Variants in NRIP3 observed in about 807,000 individuals in gnomAD.
NRIP3 encodes the protein nuclear receptor-interacting protein 3.
NRIP3 carries 31 observed loss-of-function variants against 29.0 expected under a neutral mutation model. That is an observed-to-expected ratio of 1.07 (90% CI 0.80 to 1.44). NRIP3 has a LOEUF of 1.44. NRIP3 is among the 40% of genes most tolerant of loss of function. NRIP3 has a pLI of 0.00. For synonymous variants in NRIP3, 131 were observed against 118.3 expected (o/e 1.11, Z -0.70); for missense variants, 314 against 297.9 (o/e 1.05, Z -0.40).
intron 6 of NRIP3, 61 bp downstream of exon 6, chr11:8,983,814 C>T (rs1246009628): frequency 1.4e-5 from 19 of 1,389,260 alleles, no homozygotes; most frequent in Non-Finnish European, 1.8e-5. Context: ...GAACCACCAC[C>T]ACCCTGCTCG....
At chr11:9,004,052 G>A (rs1854868704), upstream of NRIP3, 2 of 1,059,862 alleles carry the variant, frequency 1.9e-6, no homozygotes, top group Non-Finnish European at 2.5e-6. Context: ...GACGTCGCGG[G>A]GAGCAGCCAG....
chr11:8,987,557 T>G lies in NRIP3; in HGVS notation c.413A>C (p.Asp138Ala), dbSNP rs1447237284. ...LYNLISLACV[D>A]RLGLKEHVKS... is the part of the protein sequence containing the mutation. ...ACAAGTGCCTACTTACCCCAATCTG[T>G]CCACACAGGCCAAAGAGATGAGATT... The change falls in exon 3 of 7, where the codon GAC becomes GCC. Residue 138 changes from aspartate to alanine, a missense_variant. Transcript: ENST00000309166. 1.2e-6 allele frequency: 2 copies of G among 1,613,522 alleles called. No individual in the cohort carries two copies. Among genetic ancestry groups the G allele is most frequent in the Non-Finnish European group, 1.7e-6 (2 of 1,179,444 alleles).
intron 1 of NRIP3, among the ~76,000 whole-genome samples, chr11:8,989,478 G>A (rs571193501): frequency 1.3e-5 from 2 of 152,302 alleles, no homozygotes; most frequent in South Asian, 4.1e-4. Flanking sequence ...GGCTGGCACT[G>A]GAGGTCTTCA....
In NRIP3 at chr11:8,983,634, T is replaced by G. The variant is rs1009297577; in HGVS notation, c.711-74A>C. 6 of 1,472,346 alleles carry G rather than the reference T, an allele frequency of 4.1e-6. No individual in the cohort carries two copies. The African/African-American group carries it at 7.0e-5, about 17-fold the overall frequency. 91.2% of individuals were successfully genotyped at this position (1,472,346 alleles called of 1,614,324 possible). A position where few individuals can be genotyped will look rare whatever the true frequency, so the allele number is the denominator to read the frequency against. On this transcript the variant is annotated intron_variant, in intron 6 of 6. Coordinates refer to ENST00000309166, the MANE Select transcript of NRIP3 (RefSeq NM_020645.3). ...AGTTAAGCTGAAGGCAAGTAAAATT[T>G]TGCTTTCAAAGCTAGTCATTTCCCT...
At chr11:8,989,190 T>A (rs11042149) in intron 1 of NRIP3, among the ~76,000 whole-genome samples, 1 of 151,992 alleles carries the variant, frequency 6.6e-6, no homozygotes, top group Non-Finnish European at 1.5e-5. Context: ...GCAGATATAA[T>A]CATGCTCCAC....
intron 1 of NRIP3, among the ~76,000 whole-genome samples, chr11:9,002,616 A>G (rs902055066): frequency 5.1e-4 from 77 of 150,338 alleles, no homozygotes; most frequent in African/African-American, 1.8e-3. Context: ...AAAAAAAAAA[A>G]AAGGAAATGG....
chr11:8,988,479 C>T (rs886371951), intron 1 of NRIP3, among the ~76,000 whole-genome samples, 197 bp from the exon 2 acceptor site: 1 of 152,140 alleles, frequency 6.6e-6, no homozygotes, highest in Admixed American at 6.5e-5. Context: ...CAGTAGGCCA[C>T]CCTGAATGAA....
At chr11:8,995,528 C>G (rs190294443) in intron 1 of NRIP3, among the ~76,000 whole-genome samples, 11 of 152,270 alleles carry the variant, frequency 7.2e-5, no homozygotes, top group African/African-American at 2.4e-4. Flanking sequence ...CTGAAACACA[C>G]CTGGAATTGA....
In NRIP3 at chr11:8,995,820, A is replaced by T. The variant is rs540972432; in HGVS notation, c.175-7538T>A. Among the ~76,000 whole-genome samples, 304 of 152,316 alleles carry T rather than the reference A, an allele frequency of 2.0e-3. 1 individual carries two copies. The highest frequency in any genetic ancestry group is 7.0e-3 in the African/African-American group (289 of 41,570). ...CCAACTGGCCCTTGCCTCTCCTTCCATATACAAACCACTCTCCCTTTATTC... is the reference window on the plus strand; with the variant it reads ...CCAACTGGCCCTTGCCTCTCCTTCCTTATACAAACCACTCTCCCTTTATTC... On this transcript the variant is annotated intron_variant, in intron 1 of 6. Coordinates refer to ENST00000309166, the MANE Select transcript of NRIP3 (RefSeq NM_020645.3).
chr11:8,982,805 G>C lies in NRIP3; in HGVS notation c.*740C>G, dbSNP rs1378889258. On this transcript the variant is annotated 3_prime_UTR_variant, in exon 7 of 7. Coordinates refer to ENST00000309166, the MANE Select transcript of NRIP3 (RefSeq NM_020645.3). ...CAAATCATCCTAGCATCCATCTCCA[G>C]AGAATATTCCTCCCATGCTCTGCCT... 1 of 349,344 alleles carries C rather than the reference G, an allele frequency of 2.9e-6. No individual in the cohort carries two copies. Among genetic ancestry groups the C allele is most frequent in the African/African-American group, 2.2e-5 (1 of 45,508 alleles). 21.6% of individuals were successfully genotyped at this position (349,344 alleles called of 1,614,324 possible). A position where few individuals can be genotyped will look rare whatever the true frequency, so the allele number is the denominator to read the frequency against.
chr11:8,992,637 G>A (rs569200978), intron 1 of NRIP3, among the ~76,000 whole-genome samples: 6 of 152,268 alleles, frequency 3.9e-5, no homozygotes, highest in Admixed American at 6.5e-5. Flanking sequence ...GGGGCCGGGC[G>A]CAGTGGCTCA....
intron 1 of NRIP3, among the ~76,000 whole-genome samples, chr11:9,003,010 T>G (rs145726065): frequency 0.015 from 2,264 of 152,284 alleles, 24 homozygotes; most frequent in Non-Finnish European, 0.021. Flanking sequence ...CCAGGCCCCC[T>G]GTCCTGAGGT....
chr11:9,003,979 C>G lies in NRIP3; in HGVS notation c.-44G>C, dbSNP rs928384757. 1.4e-6 allele frequency: 2 copies of G among 1,445,462 alleles called. No homozygotes were observed. Among genetic ancestry groups the G allele is most frequent in the Non-Finnish European group, 1.8e-6 (2 of 1,093,900 alleles). The allele number at this position is 1,445,462 out of a possible 1,614,324, so 89.5% of individuals were successfully genotyped here. A position where few individuals can be genotyped will look rare whatever the true frequency, so the allele number is the denominator to read the frequency against. Reference sequence around the variant, plus strand: ...CCGGTAGCCCACAGCCCCCCGGCAGCCTCAGCCTCGAGCTCCTCCAGCGCC... The same window carrying G: ...CCGGTAGCCCACAGCCCCCCGGCAGGCTCAGCCTCGAGCTCCTCCAGCGCC... On this transcript the variant is annotated 5_prime_UTR_variant, in exon 1 of 7. Transcript: ENST00000309166.
rs1238516780 is a variant in NRIP3 at position 8,982,554 on chromosome 11, A to G, written c.*991T>C. ...GCTGATCGGATCTTGGGAGTAATCA[A>G]CGTCTGACAGTGACACTCTGATTTA... On this transcript the variant is annotated 3_prime_UTR_variant, in exon 7 of 7. Transcript: ENST00000309166. 4 of 161,194 alleles carry G rather than the reference A, an allele frequency of 2.5e-5. No individual in the cohort carries two copies. The highest frequency in any genetic ancestry group is 4.0e-5 in the Non-Finnish European group (3 of 74,284). The allele number at this position is 161,194 out of a possible 1,614,324, so 10.0% of individuals were successfully genotyped here.
At chr11:8,991,115 C>T (rs985488046) in intron 1 of NRIP3, among the ~76,000 whole-genome samples, 5 of 152,194 alleles carry the variant, frequency 3.3e-5, no homozygotes, top group South Asian at 2.1e-4. Context: ...TTCTGGCTAA[C>T]ACAGTGAAAC....
chr11:9,002,022 A>G (rs1448656067), intron 1 of NRIP3, among the ~76,000 whole-genome samples: 1 of 152,150 alleles, frequency 6.6e-6, no homozygotes, highest in Non-Finnish European at 1.5e-5. Flanking sequence ...GCCCTTTGTG[A>G]CTCAACTGAG....
rs1295603033 is a variant in NRIP3 at position 8,983,029 on chromosome 11, T to C, written c.*516A>G. 2 of 456,534 alleles carry C rather than the reference T, an allele frequency of 4.4e-6. No homozygotes were observed. Among genetic ancestry groups the C allele is most frequent in the Non-Finnish European group, 8.8e-6 (2 of 227,062 alleles). The allele number at this position is 456,534 out of a possible 1,614,324, so 28.3% of individuals were successfully genotyped here. A position where few individuals can be genotyped will look rare whatever the true frequency, so the allele number is the denominator to read the frequency against. ...AATGAAAGAGTTAAACTGTAATGGA[T>C]AATGTCCCTGGGCTCTTTCACATAA... is the stretch of plus-strand genomic sequence containing the variant. On this transcript the variant is annotated 3_prime_UTR_variant, in exon 7 of 7. Coordinates refer to ENST00000309166, the MANE Select transcript of NRIP3 (RefSeq NM_020645.3).
At chr11:9,004,055 G>A (rs1188240282), upstream of NRIP3, 4 of 1,014,288 alleles carry the variant, frequency 3.9e-6, no homozygotes, top group Non-Finnish European at 5.3e-6. Context: ...GTCGCGGGGA[G>A]CAGCCAGTGC....
At position 8,983,148 on chromosome 11, in the gene NRIP3, A is replaced by T. The variant is rs149018600; in HGVS notation, c.*397T>A. On this transcript the variant is annotated 3_prime_UTR_variant, in exon 7 of 7. Coordinates refer to ENST00000309166, the MANE Select transcript of NRIP3 (RefSeq NM_020645.3). ...CTGTTTGAAACAGCTGAAAGGAGGT[A>T]AAGGTCAGGTTCCTGTTTATTATAC... 1 of 396,686 alleles carries T rather than the reference A, an allele frequency of 2.5e-6. No homozygotes were observed. Among genetic ancestry groups the T allele is most frequent in the Admixed American group, 3.4e-5 (1 of 29,174 alleles). The allele number at this position is 396,686 out of a possible 1,614,324, so 24.6% of individuals were successfully genotyped here. A position where few individuals can be genotyped will look rare whatever the true frequency, so the allele number is the denominator to read the frequency against.
Sources: allele counts gnomAD v4.1 joint callset (sites outside exome capture counted in the v4.1 genomes callset), GRCh38; gene constraint gnomAD v4.1.1; transcripts MANE v1.5; gene names NCBI Gene and HGNC (gene_info 2026-07-23, HGNC 2026-07-21).